SLC67A1: variants seen among roughly 807,000 people sequenced by gnomAD.
SLC67A1 encodes solute carrier family 67 member A1.
chr11:2,902,476 C>T, the SLC67A1 span: 1 of 487,928 alleles, frequency 2.0e-6, no homozygotes, highest in African/African-American at 2.6e-5. Flanking sequence ...CTGCGGCTGC[C>T]CTGCTCCCCC....
chr11:2,919,670 G>A, the SLC67A1 span: 1 of 532,468 alleles, frequency 1.9e-6, no homozygotes, highest in Non-Finnish European at 3.4e-6. Context: ...CCCACCAGCT[G>A]TGTGACCAGA....
chr11:2,914,756 G>A, the SLC67A1 span: 5 of 985,436 alleles, frequency 5.1e-6, no homozygotes, highest in Non-Finnish European at 6.0e-6. Flanking sequence ...TGGGACATCT[G>A]GCAAATAAGG....
the SLC67A1 span, among the ~76,000 whole-genome samples, chr11:2,911,544 C>A: frequency 1.3e-5 from 2 of 152,120 alleles, no homozygotes; most frequent in South Asian, 4.1e-4. Flanking sequence ...TGGGCCCCAG[C>A]AGGTGGCTGA....
chr11:2,908,604 C>A, the SLC67A1 span, among the ~76,000 whole-genome samples: 1 of 152,176 alleles, frequency 6.6e-6, no homozygotes, highest in African/African-American at 2.4e-5. Context: ...GCCCGTAGGC[C>A]TGCCGAGACC....
chr11:2,906,566 G>C, the SLC67A1 span, among the ~76,000 whole-genome samples: 1 of 152,162 alleles, frequency 6.6e-6, no homozygotes, highest in Non-Finnish European at 1.5e-5. Context: ...CATGTCCTTT[G>C]TACATGGATG....
At chr11:2,909,138 G>A in the SLC67A1 span, 2 of 1,419,764 alleles carry the variant, frequency 1.4e-6, 1 homozygote, top group South Asian at 2.9e-5. Flanking sequence ...GCCCCTGGAC[G>A]GGGGGAAGGG....
chr11:2,916,856 C>T, the SLC67A1 span: 27 of 830,634 alleles, frequency 3.3e-5, no homozygotes, highest in Non-Finnish European at 4.1e-5. Context: ...GGGGGCTACT[C>T]ACACCCTCCT....
chr11:2,902,481 T>TA, the SLC67A1 span: 31 of 556,714 alleles, frequency 5.6e-5, no homozygotes, highest in Non-Finnish European at 5.9e-5. Context: ...GCTGCCCTGC[T>TA]CCCCCCAGCC....
At chr11:2,919,036 C>T in the SLC67A1 span, 4 of 437,654 alleles carry the variant, frequency 9.1e-6, no homozygotes, top group African/African-American at 6.2e-5. Context: ...AATCCTCCCA[C>T]GTGGTCAGCC....
chr11:2,922,036 C>A, the SLC67A1 span: 3 of 1,240,392 alleles, frequency 2.4e-6, no homozygotes, highest in Non-Finnish European at 3.6e-6. Context: ...TGGGGGCTGG[C>A]CACAGTCCAG....
chr11:2,917,516 T>G, the SLC67A1 span, among the ~76,000 whole-genome samples: 1 of 152,082 alleles, frequency 6.6e-6, no homozygotes, highest in East Asian at 1.9e-4. Flanking sequence ...CACTCAGAGG[T>G]GCCCGGTGGG....
chr11:2,919,287 G>A, the SLC67A1 span: 34 of 1,595,852 alleles, frequency 2.1e-5, no homozygotes, highest in Non-Finnish European at 2.7e-5. Flanking sequence ...ACTCACCCCT[G>A]TTCCCCTGCC....
the SLC67A1 span, chr11:2,914,801 G>A: frequency 1.0e-6 from 1 of 985,448 alleles, no homozygotes; most frequent in Non-Finnish European, 1.2e-6. Context: ...ACCCTGAGCT[G>A]TGACACGCAG....
At chr11:2,909,604 T>C in the SLC67A1 span, 1 of 1,531,442 alleles carries the variant, frequency 6.5e-7, no homozygotes, top group Non-Finnish European at 8.7e-7. Context: ...CACGGACCTG[T>C]CGGCACCCGA....
the SLC67A1 span, among the ~76,000 whole-genome samples, chr11:2,910,734 T>C: frequency 9.9e-5 from 15 of 151,212 alleles, no homozygotes; most frequent in African/African-American, 3.6e-4. Flanking sequence ...GTTTTGCCAG[T>C]GGGTGGGATG....
At chr11:2,911,279 G>A in the SLC67A1 span, among the ~76,000 whole-genome samples, 4 of 152,166 alleles carry the variant, frequency 2.6e-5, no homozygotes, top group East Asian at 7.7e-4. Flanking sequence ...GCTCAGGGTG[G>A]GAGGAGCCAT....
At chr11:2,902,537 A>G in the SLC67A1 span, 679,069 of 979,616 alleles carry the variant, frequency 0.69, 236,479 homozygotes, top group East Asian at 0.99. Context: ...CAGCTCCCGG[A>G]CCCTCAGGGG....
At chr11:2,917,930 C>T in the SLC67A1 span, 47 of 1,376,418 alleles carry the variant, frequency 3.4e-5, no homozygotes, top group South Asian at 3.1e-4. Context: ...TGCAGCCGGG[C>T]GAGGGGTGGG....
chr11:2,900,752 C>T, the SLC67A1 span, among the ~76,000 whole-genome samples: 1 of 148,872 alleles, frequency 6.7e-6, no homozygotes, highest in Admixed American at 6.7e-5. Flanking sequence ...GATGCTTAGG[C>T]TCAACAAAGT....
Sources: allele counts gnomAD v4.1 joint callset (sites outside exome capture counted in the v4.1 genomes callset), GRCh38; gene constraint gnomAD v4.1.1; transcripts MANE v1.5; gene names NCBI Gene and HGNC (gene_info 2026-07-23, HGNC 2026-07-21).